Variants in ZFTA observed in about 807,000 individuals in gnomAD.
The protein encoded by ZFTA is zinc finger translocation-associated protein.
Under a neutral mutation model 41.8 loss-of-function variants are expected in ZFTA, and 35 were observed. The ratio of observed to expected loss-of-function variants is 0.84; its 90% CI spans 0.64 to 1.11. The LOEUF (loss-of-function observed/expected upper bound fraction) is 1.11, where lower values mean the gene tolerates loss of function less well. Ranked by LOEUF, ZFTA falls within the 50% of genes most tolerant of loss-of-function variation. The pLI, the probability that ZFTA is intolerant of heterozygous loss-of-function variation, is 0.00. For synonymous variants in ZFTA, 514 were observed against 436.4 expected, an observed-to-expected ratio of 1.18 and a Z score of -2.22; for missense variants, 964 against 989.8, an observed-to-expected ratio of 0.97 and a Z score of 0.35.
In ZFTA at chr11:63,764,405, G is replaced by A; in HGVS notation, c.1218C>T (p.Gly406=). The A allele has an allele frequency of 7.8e-7, 1 of 1,280,336 alleles. No homozygotes were observed. Among genetic ancestry groups the A allele is most frequent in the Non-Finnish European group, 9.8e-7 (1 of 1,016,666 alleles). 79.3% of individuals were successfully genotyped at this position (1,280,336 alleles called of 1,614,324 possible). Residue 406 remains glycine, a synonymous_variant, in exon 4 of 5, where the codon GGC becomes GGT. Transcript: ENST00000433688. ...GGTGGGCGCGGCCCCGCGGCGACCG[G>A]CCCGGGACCCCCGCCCTCTCGCCCT... The part of the protein sequence containing the change: ...EGEGERAGVP[G]RSPRGRAHRR...
Position 63,764,030 on chromosome 11 carries a change from C to T in ZFTA, c.1585+8G>A. 17 of 1,324,642 alleles carry T rather than the reference C, an allele frequency of 1.3e-5. No individual in the cohort carries two copies. The highest frequency in any genetic ancestry group is 1.6e-5 in the Non-Finnish European group (17 of 1,030,960). The allele number at this position is 1,324,642 out of a possible 1,614,324, so 82.1% of individuals were successfully genotyped here. A position where few individuals can be genotyped will look rare whatever the true frequency, so the allele number is the denominator to read the frequency against. ...TCCCTCTCCGCCTGCTCTGGCCCCA[C>T]CGCTCACCCCACTCCTCCTCCTCCT... On this transcript the variant is annotated splice_region_variant and intron_variant, in intron 4 of 4. Coordinates refer to ENST00000433688, the MANE Select transcript of ZFTA (RefSeq NM_001144936.2).
At position 63,768,509 on chromosome 11, in the gene ZFTA, G is replaced by C; in HGVS notation, c.114C>G (p.Ser38Arg). 2 of 1,205,180 alleles carry C rather than the reference G, an allele frequency of 1.7e-6. No individual in the cohort carries two copies. Among genetic ancestry groups the C allele is most frequent in the South Asian group, 1.8e-5 (1 of 55,832 alleles). The allele number at this position is 1,205,180 out of a possible 1,614,324, so 74.7% of individuals were successfully genotyped here. A position where few individuals can be genotyped will look rare whatever the true frequency, so the allele number is the denominator to read the frequency against. ...RRLPPAGSSG[S>R]AEPEEDEGGQ... ...CGCCTTCGTCTTCCTCTGGCTCCGCGCTGCCGCTCGATCCGGCGGGCGGCA... is the reference window on the plus strand; with the variant it reads ...CGCCTTCGTCTTCCTCTGGCTCCGCCCTGCCGCTCGATCCGGCGGGCGGCA... Residue 38 changes from serine to arginine, a missense_variant, in exon 1 of 5, where the codon AGC (serine) becomes AGG (arginine). Ser to Arg is a moderately radical substitution (Grantham distance 110). Coordinates refer to ENST00000433688, the MANE Select transcript of ZFTA (RefSeq NM_001144936.2).
rs2014689043 is a variant in ZFTA at position 63,763,620 on chromosome 11, A to G, written c.1835T>C (p.Leu612Pro). Residue 612 changes from leucine to proline, a missense_variant, in exon 5 of 5, where the codon CTC becomes CCC. This residue lies in a region of ZFTA where 63 missense variants were observed against 97.8 expected (regional missense o/e 0.64). Coordinates refer to ENST00000433688, the MANE Select transcript of ZFTA (RefSeq NM_001144936.2). The stretch of plus-strand genomic sequence containing the variant: ...GTGGCGCTTGATGGTGCTCACCTTG[A>G]GCGTGGCCAGCGCGCCCCCGCACAC... ...CMVCGGALAT[L>P]KVSTIKRHIL... 1.3e-6 allele frequency: 2 copies of G among 1,548,454 alleles called. No individual in the cohort carries two copies. Among genetic ancestry groups the G allele is most frequent in the African/African-American group, 1.4e-5 (1 of 72,872 alleles).
chr11:63,765,676 A>G lies in ZFTA; in HGVS notation c.637+131T>C, dbSNP rs977968000. On this transcript the variant is annotated intron_variant, in intron 2 of 4. Transcript: ENST00000433688. This position sits in a 1 kb window ranked among gnomAD's most constrained non-coding sequence, Gnocchi z 4.0. ...CCCCCACCTTTGTATAATAAGGGCA[A>G]TAAACAGACCCCACCCAGAGGAGGA... is the stretch of plus-strand genomic sequence containing the variant. 1 of 1,297,646 alleles carries G rather than the reference A, an allele frequency of 7.7e-7. No individual in the cohort carries two copies. Among genetic ancestry groups the G allele is most frequent in the Non-Finnish European group, 1.0e-6 (1 of 985,066 alleles). 80.4% of individuals were successfully genotyped at this position (1,297,646 alleles called of 1,614,324 possible).
At position 63,765,000 on chromosome 11, in the gene ZFTA, C is replaced by T. The variant is rs1397458713; in HGVS notation, c.892G>A (p.Asp298Asn). Reference protein sequence around the residue: ...CGRALPSLHLDDIRAHVLEVH... With the variant: ...CGRALPSLHLNDIRAHVLEVH... The stretch of plus-strand genomic sequence containing the variant: ...TCCAGCACGTGGGCACGGATGTCGT[C>T]CAGGTGCAGGCTGGGCAGTGCCCGG... Residue 298 changes from aspartate (D) to asparagine (N), a missense_variant, in exon 3 of 5, where the codon GAC (aspartate) becomes AAC (asparagine). Physicochemically the swap from Asp to Asn is conservative, Grantham distance 23 (BLOSUM62 1). This residue lies in a region of ZFTA where 584 missense variants were observed against 523.1 expected (regional missense o/e 1.12). Coordinates refer to ENST00000433688, the MANE Select transcript of ZFTA (RefSeq NM_001144936.2). The T allele has an allele frequency of 6.5e-7, 1 of 1,548,834 alleles. No homozygotes were observed. Among genetic ancestry groups the T allele is most frequent in the African/African-American group, 1.4e-5 (1 of 72,984 alleles).
In ZFTA at chr11:63,765,313, A is replaced by G; in HGVS notation, c.638-59T>C. On this transcript the variant is annotated intron_variant, in intron 2 of 4. Transcript: ENST00000433688. This position sits in a 1 kb window ranked among gnomAD's most constrained non-coding sequence, Gnocchi z 4.0. The stretch of plus-strand genomic sequence containing the variant: ...GGCCCCACGGGAGCATACCCACTAC[A>G]GCCAGGTCTCCCACAAGCCTCTCAC... 7.1e-7 allele frequency: 1 copy of G among 1,407,586 alleles called. No homozygotes were observed. The highest frequency in any genetic ancestry group is 9.2e-7 in the Non-Finnish European group (1 of 1,086,064). 87.2% of individuals were successfully genotyped at this position (1,407,586 alleles called of 1,614,324 possible). A position where few individuals can be genotyped will look rare whatever the true frequency, so the allele number is the denominator to read the frequency against.
chr11:63,768,487 CT>C lies in ZFTA; in HGVS notation c.135del (p.Gly46AlafsTer69). The C allele has an allele frequency of 1.7e-6, 2 of 1,199,182 alleles. No homozygotes were observed. The highest frequency in any genetic ancestry group is 3.8e-5 in the Admixed American group (1 of 26,262). 74.3% of individuals were successfully genotyped at this position (1,199,182 alleles called of 1,614,324 possible). ...GGCCGCCGGCCCCAGCTCTTACCGCCTTCGTCTTCCTCTGGCTCCGCGCTGC... is the reference window on the plus strand; with the variant it reads ...GGCCGCCGGCCCCAGCTCTTACCGCCTCGTCTTCCTCTGGCTCCGCGCTGC... ...SSGSAEPEED[E>X]GGQDLQLEGG... On this transcript the variant is annotated frameshift_variant, in exon 1 of 5. Coordinates refer to ENST00000433688, the MANE Select transcript of ZFTA (RefSeq NM_001144936.2). LOFTEE classifies it high-confidence loss of function.
At position 63,765,185 on chromosome 11, in the gene ZFTA, C is replaced by G. The variant is rs545631245; in HGVS notation, c.707G>C (p.Arg236Pro). The G allele has an allele frequency of 4.3e-4, 655 of 1,522,524 alleles. 2 individuals carry two copies. In the Middle Eastern group the frequency reaches 5.2e-3, roughly 12 times the overall value. The allele number at this position is 1,522,524 out of a possible 1,614,324, so 94.3% of individuals were successfully genotyped here. The change falls in exon 3 of 5, where the codon CGT becomes CCT. Residue 236 changes from arginine (R) to proline (P), a missense_variant. This residue lies in a region of ZFTA where 584 missense variants were observed against 523.1 expected (regional missense o/e 1.12). Transcript: ENST00000433688. The surrounding 1 kb of genome is among the most constrained non-coding windows in gnomAD (Gnocchi z 4.0). Reference protein sequence around the residue: ...RGGPVAPRARRLRLSASRRAG... With the variant: ...RGGPVAPRARPLRLSASRRAG... ...CCTCCGGGAGGCTGAGAGGCGCAGA[C>G]GCCGAGCCCGGGGTGCCACTGGGCC...
In ZFTA at chr11:63,763,267, C is replaced by G. The variant is rs993971707; in HGVS notation, c.*151G>C. On this transcript the variant is annotated 3_prime_UTR_variant, in exon 5 of 5. Transcript: ENST00000433688. ...ACGCCGGTGGCCCCACCCGATCCCC[C>G]GTCTCCGCCCGGCCCGGCCAGCGGG... The G allele has an allele frequency of 4.6e-6, 2 of 437,682 alleles. No homozygotes were observed. 27.1% of individuals were successfully genotyped at this position (437,682 alleles called of 1,614,324 possible).
Position 63,764,312 on chromosome 11 carries a change from C to G in ZFTA, c.1311G>C (p.Leu437=). The change falls in exon 4 of 5, where the codon CTG becomes CTC. Residue 437 remains leucine, a synonymous_variant. Transcript: ENST00000433688. The part of the protein sequence containing the change: ...LMELDGGRRG[L]VCGVCGGALA... ...GCGCGCCCCCGCACACCCCGCACAC[C>G]AGGCCGCGCCGGCCGCCGTCCAACT... 1 of 1,395,040 alleles carries G rather than the reference C, an allele frequency of 7.2e-7. No individual in the cohort carries two copies. The highest frequency in any genetic ancestry group is 1.5e-5 in the South Asian group (1 of 67,368). The allele number at this position is 1,395,040 out of a possible 1,614,324, so 86.4% of individuals were successfully genotyped here. A position where few individuals can be genotyped will look rare whatever the true frequency, so the allele number is the denominator to read the frequency against.
Position 63,766,252 on chromosome 11 carries a change from G to T in ZFTA, c.192C>A (p.Pro64=), listed in dbSNP as rs780066395. Residue 64 remains proline, a synonymous_variant, in exon 2 of 5, where the codon CCC becomes CCA. Transcript: ENST00000433688. ...GTCCCCTGGCCCTGGAGGAGGGCAGGGGGGCACTCCCCCAGGACCCCAAGG... is the reference window on the plus strand; with the variant it reads ...GTCCCCTGGCCCTGGAGGAGGGCAGTGGGGCACTCCCCCAGGACCCCAAGG... ...GGALGSWGSA[P]LPSSRARGPA... 39 of 1,521,726 alleles carry T rather than the reference G, an allele frequency of 2.6e-5. No homozygotes were observed. The highest frequency in any genetic ancestry group is 3.2e-5 in the Non-Finnish European group (36 of 1,136,602). The allele number at this position is 1,521,726 out of a possible 1,614,324, so 94.3% of individuals were successfully genotyped here.
Position 63,764,180 on chromosome 11 carries a change from G to A in ZFTA, c.1443C>T (p.Ser481=). Residue 481 remains serine (S), a synonymous_variant, in exon 4 of 5, where the codon AGC becomes AGT. Transcript: ENST00000433688. ...GGGCCAGCAGGTGGGCGGCCTTCTC[G>A]CTCCACTCCCGGGCGATGAGGGCCT... ...PVQALIAREW[S]EKAAHLLALG... is the part of the protein sequence containing the mutation. 1 of 1,378,768 alleles carries A rather than the reference G, an allele frequency of 7.3e-7. No individual in the cohort carries two copies. Among genetic ancestry groups the A allele is most frequent in the South Asian group, 1.7e-5 (1 of 60,010 alleles). The allele number at this position is 1,378,768 out of a possible 1,614,324, so 85.4% of individuals were successfully genotyped here.
rs1326182622 is a variant in ZFTA at position 63,763,291 on chromosome 11, G to A, written c.*127C>T. 2 of 654,996 alleles carry A rather than the reference G, an allele frequency of 3.1e-6. No individual in the cohort carries two copies. The highest frequency in any genetic ancestry group is 6.5e-4 in the Middle Eastern group (1 of 1,528). 40.6% of individuals were successfully genotyped at this position (654,996 alleles called of 1,614,324 possible). A position where few individuals can be genotyped will look rare whatever the true frequency, so the allele number is the denominator to read the frequency against. ...CCGTCTCCGCCCGGCCCGGCCAGCG[G>A]GGGGCGCGGCCGCGGGAAGCGCTAA... On this transcript the variant is annotated 3_prime_UTR_variant, in exon 5 of 5. Transcript: ENST00000433688.
rs2014712593 is a variant in ZFTA at position 63,764,509 on chromosome 11, G to A, written c.1114C>T (p.Pro372Ser). The A allele has an allele frequency of 8.0e-7, 1 of 1,257,606 alleles. No homozygotes were observed. Among genetic ancestry groups the A allele is most frequent in the African/African-American group, 1.5e-5 (1 of 64,662 alleles). 77.9% of individuals were successfully genotyped at this position (1,257,606 alleles called of 1,614,324 possible). A position where few individuals can be genotyped will look rare whatever the true frequency, so the allele number is the denominator to read the frequency against. Reference protein sequence around the residue: ...GAPSSQDLSPPDVKEEAGWVP... With the variant: ...GAPSSQDLSPSDVKEEAGWVP... ...CAGCCAGCCTCTTCCTTTACGTCTGGGGGGCTGAGATCCTGAGAGGAGGGG... is the reference window on the plus strand; with the variant it reads ...CAGCCAGCCTCTTCCTTTACGTCTGAGGGGCTGAGATCCTGAGAGGAGGGG... The change falls in exon 4 of 5, where the codon CCA (proline) becomes TCA (serine). Residue 372 changes from proline (P) to serine (S), a missense_variant. By Grantham distance (74) the Pro-to-Ser change is moderately conservative. Coordinates refer to ENST00000433688, the MANE Select transcript of ZFTA (RefSeq NM_001144936.2).
Position 63,760,809 on chromosome 11 carries a change from A to G in ZFTA, c.*2609T>C, listed in dbSNP as rs1454549093. On this transcript the variant is annotated 3_prime_UTR_variant, in exon 5 of 5. Transcript: ENST00000433688. ...TAGGCCCCAACCAAGTTTCTGATTC[A>G]GTAACCCTGGGGTATGGCCCAAGAA... is the stretch of plus-strand genomic sequence containing the variant. 1 of 152,242 alleles carries G rather than the reference A, an allele frequency of 6.6e-6. No homozygotes were observed. Among genetic ancestry groups the G allele is most frequent in the East Asian group, 1.9e-4 (1 of 5,204 alleles). 9.4% of individuals were successfully genotyped at this position (152,242 alleles called of 1,614,324 possible).
rs1168349290 is a variant in ZFTA at position 63,764,547 on chromosome 11, GA to G, written c.1075del (p.Ser359ProfsTer16). On this transcript the variant is annotated frameshift_variant, in exon 4 of 5. Coordinates refer to ENST00000433688, the MANE Select transcript of ZFTA (RefSeq NM_001144936.2). LOFTEE classifies it high-confidence loss of function. ...DLTGKSRDSASAAGAPSSQDL... is the reference protein window; with the variant it reads ...DLTGKSRDSAXAAGAPSSQDL... ...CTGAGAGGAGGGGGCTCCAGCAGCGGAGGCCGAGTCCCGGCTCTTTCCGGTC... is the reference window on the plus strand; with the variant it reads ...CTGAGAGGAGGGGGCTCCAGCAGCGGGGCCGAGTCCCGGCTCTTTCCGGTC... The G allele has an allele frequency of 2.7e-4, 336 of 1,256,242 alleles. No individual in the cohort carries two copies. The highest frequency in any genetic ancestry group is 3.3e-4 in the Non-Finnish European group (329 of 995,322). The allele number at this position is 1,256,242 out of a possible 1,614,324, so 77.8% of individuals were successfully genotyped here.
At chr11:63,768,293 G>A (rs1251852463) in intron 1 of ZFTA, among the ~76,000 whole-genome samples, 191 bp downstream of exon 1, 1 of 149,738 alleles carries the variant, frequency 6.7e-6, no homozygotes, top group African/African-American at 2.4e-5. Context: ...AGCCCCGCGA[G>A]CCGACCCCGG....
At position 63,763,290 on chromosome 11, in the gene ZFTA, G is replaced by T. The variant is rs1006404048; in HGVS notation, c.*128C>A. ...CCCGTCTCCGCCCGGCCCGGCCAGC[G>T]GGGGGCGCGGCCGCGGGAAGCGCTA... On this transcript the variant is annotated 3_prime_UTR_variant, in exon 5 of 5. Coordinates refer to ENST00000433688, the MANE Select transcript of ZFTA (RefSeq NM_001144936.2). 3.1e-6 allele frequency: 2 copies of T among 638,864 alleles called. No individual in the cohort carries two copies. Among genetic ancestry groups the T allele is most frequent in the African/African-American group, 4.0e-5 (2 of 50,220 alleles). The allele number at this position is 638,864 out of a possible 1,614,324, so 39.6% of individuals were successfully genotyped here.
chr11:63,766,415 G>A (rs921471605), intron 1 of ZFTA, 111 bp from the exon 2 acceptor site: 15 of 1,230,470 alleles, frequency 1.2e-5, no homozygotes, highest in Non-Finnish European at 1.6e-5. Flanking sequence ...GGTGTTCCGG[G>A]GCAGGAAAGG....
Sources: allele counts gnomAD v4.1 joint callset (sites outside exome capture counted in the v4.1 genomes callset), GRCh38; gene constraint gnomAD v4.1.1; regional missense constraint gnomAD v4.1.1; non-coding constraint Gnocchi (gnomAD v3.1); transcripts MANE v1.5; gene names NCBI Gene and HGNC (gene_info 2026-07-23, HGNC 2026-07-21).